Variants in COLGALT2 observed in about 807,000 individuals in gnomAD.
The protein encoded by COLGALT2 is collagen beta(1-O)galactosyltransferase 2, also known as procollagen galactosyltransferase 2.
Under a neutral mutation model 73.4 loss-of-function variants are expected in COLGALT2, and 49 were observed. The ratio of observed to expected loss-of-function variants is 0.67; its 90% CI spans 0.53 to 0.85. The LOEUF (loss-of-function observed/expected upper bound fraction) is 0.85, where lower values mean the gene tolerates loss of function less well. COLGALT2 is among the 40% of genes least tolerant of loss of function. The pLI is 0.00. For missense variants in COLGALT2, 722 were observed against 790.2 expected (o/e 0.91, Z 1.03); for synonymous variants, 295 against 307.6 (o/e 0.96, Z 0.43).
rs936284717 is a variant in COLGALT2 at position 183,936,112 on chromosome 1, G to A, written c.*2649C>T. 2 of 985,720 alleles carry A rather than the reference G, an allele frequency of 2.0e-6. No homozygotes were observed. The highest frequency in any genetic ancestry group is 3.5e-5 in the African/African-American group (2 of 57,384). 61.1% of individuals were successfully genotyped at this position (985,720 alleles called of 1,614,324 possible). On this transcript the variant is annotated 3_prime_UTR_variant, in exon 12 of 12. Transcript: ENST00000361927. ...CAGAAGATCCCACGTTAGATCCCAA[G>A]AGAAATCCAGACAGGGTTTAGCCTC... is the stretch of plus-strand genomic sequence containing the variant.
rs1421202466 is a variant in COLGALT2, at chr1:183,937,066, G to A, written c.*1695C>T. The A allele has an allele frequency of 8.1e-6, 10 of 1,231,510 alleles. No individual in the cohort carries two copies. Among genetic ancestry groups the A allele is most frequent in the Non-Finnish European group, 1.0e-5 (10 of 987,960 alleles). The allele number at this position is 1,231,510 out of a possible 1,614,324, so 76.3% of individuals were successfully genotyped here. Reference sequence around the variant, plus strand: ...TGTGGCAATCAGTATCACATGGGCAGTGAACTGAAGAATTAGGTGTCTGGC... The same window carrying A: ...TGTGGCAATCAGTATCACATGGGCAATGAACTGAAGAATTAGGTGTCTGGC... On this transcript the variant is annotated 3_prime_UTR_variant, in exon 12 of 12. Coordinates refer to ENST00000361927, the MANE Select transcript of COLGALT2 (RefSeq NM_015101.4).
At chr1:183,998,436 C>A (rs767577061) in intron 1 of COLGALT2, among the ~76,000 whole-genome samples, 1 of 152,092 alleles carries the variant, frequency 6.6e-6, no homozygotes, top group Non-Finnish European at 1.5e-5. Flanking sequence ...CAATACTATT[C>A]CTCTGTTGGT....
Position 183,940,539 on chromosome 1 carries a change from A to AGGCT in COLGALT2, c.1604+38_1604+41dup, listed in dbSNP as rs767448919. On this transcript the variant is annotated intron_variant, in intron 11 of 11. Transcript: ENST00000361927. ...GAAATGGAGAGCATAATTCATGAAG[A>AGGCT]GGCTGTGCCCAAGGGAAGGCAGGCA... 7 of 1,540,266 alleles carry AGGCT rather than the reference A, an allele frequency of 4.5e-6. No homozygotes were observed. In the East Asian group the frequency reaches 1.6e-4, roughly 35 times the overall value.
At chr1:183,958,925 G>C (rs886603242) in intron 6 of COLGALT2, among the ~76,000 whole-genome samples, 4 of 151,384 alleles carry the variant, frequency 2.6e-5, no homozygotes, top group Non-Finnish European at 5.9e-5. Flanking sequence ...ACCCCCAACA[G>C]CCTCCATCGG....
intron 1 of COLGALT2, among the ~76,000 whole-genome samples, chr1:184,026,811 A>T (rs1376239974): frequency 1.3e-5 from 2 of 152,198 alleles, no homozygotes; most frequent in African/African-American, 4.8e-5. Flanking sequence ...TAAGGACTGA[A>T]GTGGCTCAAA....
At chr1:183,931,079 T>C (rs1042372295), downstream of COLGALT2, among the ~76,000 whole-genome samples, 1 of 152,224 alleles carries the variant, frequency 6.6e-6, no homozygotes, top group Admixed American at 6.5e-5. Flanking sequence ...ATGTAGTCAG[T>C]GGCCTCGTAT....
chr1:183,953,514 C>G (rs1670469310), intron 7 of COLGALT2, among the ~76,000 whole-genome samples: 1 of 152,144 alleles, frequency 6.6e-6, no homozygotes, highest in East Asian at 1.9e-4. Flanking sequence ...AGAAATGAAT[C>G]TATGTAAGGA....
chr1:183,998,507 T>C (rs947569943), intron 1 of COLGALT2, among the ~76,000 whole-genome samples: 3 of 152,190 alleles, frequency 2.0e-5, no homozygotes, highest in Non-Finnish European at 4.4e-5. Flanking sequence ...TGTCTTTTGA[T>C]AGAAAGTCCC....
At position 184,002,878 on chromosome 1, in the gene COLGALT2, C is replaced by A. The variant is rs547422496; in HGVS notation, c.264-24358G>T. On this transcript the variant is annotated intron_variant, in intron 1 of 11. Coordinates refer to ENST00000361927, the MANE Select transcript of COLGALT2 (RefSeq NM_015101.4). ...AGCAATACCACTTATAAGATTATAT[C>A]CTATAAATATACTGGAATAGCATTA... Among the ~76,000 whole-genome samples, 3 of 151,784 alleles carry A rather than the reference C, an allele frequency of 2.0e-5. No homozygotes were observed. The South Asian group carries it at 6.3e-4, about 32-fold the overall frequency.
At position 183,987,192 on chromosome 1, in the gene COLGALT2, T is replaced by C. The variant is rs1050935752; in HGVS notation, c.264-8672A>G. ...GGGAGTGTCTGAGACAAGACAAATA[T>C]GTTTCTCATTTGTCTATCTACCCTC... is the stretch of plus-strand genomic sequence containing the variant. On this transcript the variant is annotated intron_variant, in intron 1 of 11. Coordinates refer to ENST00000361927, the MANE Select transcript of COLGALT2 (RefSeq NM_015101.4). Among the ~76,000 whole-genome samples, 10 of 152,300 alleles carry C rather than the reference T, an allele frequency of 6.6e-5. No homozygotes were observed. In the South Asian group the frequency reaches 1.9e-3, roughly 28 times the overall value.
chr1:183,969,257 G>T lies in COLGALT2; in HGVS notation c.832+12C>A. ...TCTCCATTGTGGCACTACAACCAAA[G>T]ACAAACAGTACCTGCTTGCCTGCTG... On this transcript the variant is annotated intron_variant, in intron 5 of 11. Transcript: ENST00000361927. 2 of 1,601,218 alleles carry T rather than the reference G, an allele frequency of 1.2e-6. No homozygotes were observed. Among genetic ancestry groups the T allele is most frequent in the South Asian group, 1.1e-5 (1 of 89,250 alleles).
At chr1:184,033,752 A>C (rs888743154) in intron 1 of COLGALT2, among the ~76,000 whole-genome samples, 1 of 152,198 alleles carries the variant, frequency 6.6e-6, no homozygotes, top group Admixed American at 6.5e-5. Flanking sequence ...TCTGAATGTG[A>C]TCAATAAGCC....
intron 6 of COLGALT2, among the ~76,000 whole-genome samples, chr1:183,961,401 C>A (rs1354309658): frequency 1.3e-5 from 2 of 152,126 alleles, no homozygotes; most frequent in African/African-American, 4.8e-5. Flanking sequence ...AACATAAGGT[C>A]TGGCTGGCCT....
rs1670506704 is a variant in COLGALT2, at chr1:183,954,752, C to A, written c.1029+10G>T. 6 of 1,603,716 alleles carry A rather than the reference C, an allele frequency of 3.7e-6. No homozygotes were observed. Among genetic ancestry groups the A allele is most frequent in the Non-Finnish European group, 5.1e-6 (6 of 1,170,956 alleles). On this transcript the variant is annotated intron_variant, in intron 7 of 11. Transcript: ENST00000361927. ...GTGCATGTGCACACACATATAGACACCTTTCCTACCTCATCAAATCCCATC... is the reference window on the plus strand; with the variant it reads ...GTGCATGTGCACACACATATAGACAACTTTCCTACCTCATCAAATCCCATC...
At chr1:183,992,849 T>C (rs950425135) in intron 1 of COLGALT2, among the ~76,000 whole-genome samples, 3 of 152,230 alleles carry the variant, frequency 2.0e-5, no homozygotes, top group African/African-American at 7.2e-5. Context: ...TTTGGGATCA[T>C]GTATCTCTTC....
chr1:184,010,866 T>G (rs1359533801), intron 1 of COLGALT2, among the ~76,000 whole-genome samples: 6 of 152,188 alleles, frequency 3.9e-5, no homozygotes, highest in African/African-American at 1.4e-4. Context: ...GATTTTGGGC[T>G]GCTGAAATAA....
At chr1:183,931,468 G>A (rs1669842371), downstream of COLGALT2, among the ~76,000 whole-genome samples, 1 of 152,138 alleles carries the variant, frequency 6.6e-6, no homozygotes, top group African/African-American at 2.4e-5. Flanking sequence ...CACCCCAGCT[G>A]GATTGGAATC....
intron 1 of COLGALT2, among the ~76,000 whole-genome samples, chr1:184,036,635 C>T (rs145099104): frequency 6.6e-6 from 1 of 152,374 alleles, no homozygotes; most frequent in East Asian, 1.9e-4. Flanking sequence ...ACTGCGGAGC[C>T]CCTGGCCAAC....
intron 1 of COLGALT2, among the ~76,000 whole-genome samples, chr1:183,988,779 G>T (rs1671556017): frequency 6.6e-6 from 1 of 152,140 alleles, no homozygotes; most frequent in Admixed American, 6.5e-5. Context: ...TAGTTACTAT[G>T]AACGATGCTG....
Sources: gnomAD v4.1 joint callset for allele counts (sites outside exome capture counted in the v4.1 genomes callset) on GRCh38, gnomAD v4.1.1 for gene constraint, MANE v1.5 for transcripts, NCBI Gene and HGNC (gene_info 2026-07-23, HGNC 2026-07-21) for gene names.